YBEY: variants seen among roughly 807,000 people sequenced by gnomAD.
YBEY encodes ybeY metalloendoribonuclease.
YBEY carries 15 observed loss-of-function variants against 13.5 expected under a neutral mutation model. The observed-to-expected ratio is 1.11, with a 90% confidence interval of 0.75 to 1.72. The LOEUF is 1.72. YBEY is among the 40% of genes most tolerant of loss of function. The pLI, the probability that YBEY is intolerant of heterozygous loss-of-function variation, is 0.00. For synonymous variants in YBEY, 101 were observed against 83.1 expected (o/e 1.21, Z -1.17); for missense variants, 244 against 208.4 (o/e 1.17, Z -1.05).
chr21:46,295,234 C>G (rs1294284947), intron 3 of YBEY, among the ~76,000 whole-genome samples: 2 of 152,082 alleles, frequency 1.3e-5, no homozygotes, highest in Non-Finnish European at 2.9e-5. Context: ...AGCCCACCAG[C>G]CCAGGACCCC....
chr21:46,296,968 C>G (rs1249851791), intron 4 of YBEY, among the ~76,000 whole-genome samples: 1 of 148,300 alleles, frequency 6.7e-6, no homozygotes, highest in Non-Finnish European at 1.5e-5. Context: ...TGCACTCCAG[C>G]CTGGGCAACA....
intron 3 of YBEY, 68 bp downstream of exon 3, chr21:46,291,530 C>T (rs985447376): frequency 6.3e-7 from 1 of 1,596,858 alleles, no homozygotes; most frequent in African/African-American, 1.3e-5. Context: ...GGGTCAAGAT[C>T]ACAACCCTGC....
At chr21:46,304,014 GTGC>G in the YBEY span, among the ~76,000 whole-genome samples, 2 of 129,358 alleles carry the variant, frequency 1.5e-5, no homozygotes, top group Non-Finnish European at 3.2e-5. Context: ...GCTTCCCAAA[GTGC>G]TGGTTTTTTT....
chr21:46,298,047 C>T (rs1267733386), downstream of YBEY, among the ~76,000 whole-genome samples: 2 of 152,222 alleles, frequency 1.3e-5, no homozygotes, highest in Non-Finnish European at 2.9e-5. Context: ...AGCGCCAGCG[C>T]ACGCCTCTTC....
At chr21:46,295,024 C>A (rs1452746085) in intron 3 of YBEY, among the ~76,000 whole-genome samples, 1 of 152,160 alleles carries the variant, frequency 6.6e-6, no homozygotes, top group Non-Finnish European at 1.5e-5. Flanking sequence ...GAGGGAGTTT[C>A]TGAGAGTGAC....
intron 4 of YBEY, among the ~76,000 whole-genome samples, chr21:46,296,614 C>G (rs924466701): frequency 1.3e-5 from 2 of 152,140 alleles, no homozygotes; most frequent in Non-Finnish European, 2.9e-5. Context: ...CACGTGGGCT[C>G]CGGTCCACAT....
At chr21:46,287,433 C>G (rs1436036233) in intron 2 of YBEY, among the ~76,000 whole-genome samples, 1 of 150,760 alleles carries the variant, frequency 6.6e-6, no homozygotes, top group Non-Finnish European at 1.5e-5. Context: ...GAACTGATCT[C>G]AGGTGATCTG....
At chr21:46,295,523 C>A (rs1337773289) in intron 3 of YBEY, among the ~76,000 whole-genome samples, 2 of 152,092 alleles carry the variant, frequency 1.3e-5, no homozygotes, top group East Asian at 3.9e-4. Context: ...GCTCTGGGCT[C>A]CATCCGGGTG....
chr21:46,308,245 G>C, the YBEY span, among the ~76,000 whole-genome samples: 2 of 152,072 alleles, frequency 1.3e-5, no homozygotes, highest in Admixed American at 1.3e-4. Flanking sequence ...GGCAGATCAC[G>C]AGGTCAGGAG....
At chr21:46,297,761 G>A (rs2082001111), downstream of YBEY, 1 of 1,242,442 alleles carries the variant, frequency 8.0e-7, no homozygotes, top group Non-Finnish European at 1.0e-6. Context: ...ACGTTGCATC[G>A]GGTATTTTTC....
At chr21:46,312,706 A>T in the YBEY span, among the ~76,000 whole-genome samples, 1 of 152,164 alleles carries the variant, frequency 6.6e-6, no homozygotes, top group Non-Finnish European at 1.5e-5. Flanking sequence ...TTTAATAGAG[A>T]TGCAGTGGTG....
chr21:46,296,631 C>G (rs1299607590), intron 4 of YBEY, among the ~76,000 whole-genome samples: 1 of 152,202 alleles, frequency 6.6e-6, no homozygotes, highest in Non-Finnish European at 1.5e-5. Context: ...ACATGGTTAA[C>G]ACGCACGCAA....
chr21:46,288,683 GAA>G (rs11420581), intron 2 of YBEY, among the ~76,000 whole-genome samples: 59,951 of 131,504 alleles, frequency 0.46, 12,681 homozygotes, highest in Admixed American at 0.52. Context: ...GTCTCAAAAA[GAA>G]AAAAAAAAAA....
downstream of YBEY, among the ~76,000 whole-genome samples, chr21:46,298,570 C>G (rs796886316): frequency 2.4e-4 from 37 of 151,656 alleles, no homozygotes; most frequent in African/African-American, 8.2e-4. Context: ...GCTGGGACTA[C>G]AGGCGCCCGC....
chr21:46,301,707 C>T (rs1018842211), downstream of YBEY: 583 of 1,175,416 alleles, frequency 5.0e-4, 5 homozygotes, highest in East Asian at 1.9e-4. Flanking sequence ...GGTGGGCCGG[C>T]GCCGCCCTAC....
intron 2 of YBEY, among the ~76,000 whole-genome samples, chr21:46,289,148 T>C (rs937501967): frequency 6.6e-6 from 1 of 152,188 alleles, no homozygotes; most frequent in Non-Finnish European, 1.5e-5. Context: ...AGTCTTTATG[T>C]GGAAAATGTG....
chr21:46,293,674 G>A (rs375912408), intron 3 of YBEY, among the ~76,000 whole-genome samples: 428 of 7,650 alleles, frequency 0.056, 1 homozygote, highest in African/African-American at 0.13. Context: ...ACGCAAGTTA[G>A]ACTCTAGATT....
the YBEY span, among the ~76,000 whole-genome samples, chr21:46,305,299 T>G: frequency 1.6e-5 from 2 of 128,328 alleles, no homozygotes; most frequent in African/African-American, 3.0e-5. Flanking sequence ...AGTTACATGG[T>G]TTTTTTTTTT....
chr21:46,290,570 C>T (rs1396878408), intron 2 of YBEY, among the ~76,000 whole-genome samples: 9 of 152,212 alleles, frequency 5.9e-5, no homozygotes, highest in East Asian at 5.8e-4. Flanking sequence ...GCAACCCACC[C>T]GCCACAGGCC....
Sources: allele counts gnomAD v4.1 joint callset (sites outside exome capture counted in the v4.1 genomes callset), GRCh38; gene constraint gnomAD v4.1.1; transcripts MANE v1.5; gene names NCBI Gene and HGNC (gene_info 2026-07-23, HGNC 2026-07-21).